NFRKB: variants seen among roughly 807,000 people sequenced by gnomAD.
The protein encoded by NFRKB is nuclear factor related to kappa-B-binding protein.
A neutral mutation model predicts 135.7 loss-of-function variants in NFRKB; 62 were observed. The observed-to-expected ratio is 0.46, with a 90% CI of 0.37 to 0.56. NFRKB has a LOEUF of 0.56. NFRKB is among the 20% of genes least tolerant of loss of function. The probability of loss-of-function intolerance (pLI) is 0.00; values close to 1 mark genes in which losing one functional copy is unlikely to be tolerated. For synonymous variants in NFRKB, 678 were observed against 635.6 expected, an observed-to-expected ratio of 1.07 and a Z score of -1.00; for missense variants, 1,545 against 1,662.0, an observed-to-expected ratio of 0.93 and a Z score of 1.22.
chr11:129,894,034 G>A (rs995784803), intron 2 of NFRKB: 1 of 152,182 alleles, frequency 6.6e-6, no homozygotes, highest in African/African-American at 2.4e-5. Context: ...GTATAATCAT[G>A]TAAATTAATG....
At chr11:129,884,664 C>A in intron 7 of NFRKB, 81 bp downstream of exon 7, 1 of 1,505,698 alleles carries the variant, frequency 6.6e-7, no homozygotes, top group Non-Finnish European at 9.1e-7. Context: ...GGAATCTGCC[C>A]CCACCCACCT....
intron 2 of NFRKB, chr11:129,893,281 A>G: frequency 2.1e-6 from 1 of 472,694 alleles, no homozygotes. Context: ...GGCTGGGTGC[A>G]GTAACTCACA....
intron 2 of NFRKB, chr11:129,893,313 G>A (rs1241917997): frequency 1.1e-5 from 5 of 455,200 alleles, no homozygotes; most frequent in Non-Finnish European, 2.2e-5. Flanking sequence ...AGTACTTTGG[G>A]AGGTCCAGGC....
At chr11:129,868,317 C>T (rs1441338258) in intron 24 of NFRKB, among the ~76,000 whole-genome samples, 1 of 152,196 alleles carries the variant, frequency 6.6e-6, no homozygotes, top group Non-Finnish European at 1.5e-5. Flanking sequence ...CACCAGGGAG[C>T]ACATGCCAAT....
At chr11:129,875,015 C>G in intron 18 of NFRKB, 99 bp from the exon 19 acceptor site, 2 of 1,463,224 alleles carry the variant, frequency 1.4e-6, no homozygotes, top group Non-Finnish European at 1.9e-6. Flanking sequence ...TAAATCACAG[C>G]TGATGCAGAT....
At position 129,876,645 on chromosome 11, in the gene NFRKB, A is replaced by ACAGAGTT. The variant is rs3217314; in HGVS notation, c.1747+69_1747+75dup. 3.2e-4 allele frequency: 362 copies of ACAGAGTT among 1,131,670 alleles called. No homozygotes were observed. The African/African-American group carries it at 4.4e-3, about 14-fold the overall frequency. 70.1% of individuals were successfully genotyped at this position (1,131,670 alleles called of 1,614,324 possible). On this transcript the variant is annotated intron_variant, in intron 17 of 26. Coordinates refer to ENST00000682444, the MANE Select transcript of NFRKB (RefSeq NM_001143835.2). ...CCCTGGGTGGAGGGGTAAGGAGAGG[A>ACAGAGTT]CAGAGTTCAGAGTTGGTAAGAGAAA... is the stretch of plus-strand genomic sequence containing the variant.
At chr11:129,865,745 A>C in intron 25 of NFRKB, 132 bp downstream of exon 25, 1 of 710,516 alleles carries the variant, frequency 1.4e-6, no homozygotes. Context: ...GTTGATGAGC[A>C]CAATAAAGCA....
chr11:129,887,399 AGTGAGCAAAT>A (rs1429861017), intron 4 of NFRKB, among the ~76,000 whole-genome samples: 1 of 152,230 alleles, frequency 6.6e-6, no homozygotes, highest in Non-Finnish European at 1.5e-5. Context: ...CCCTTAACCA[AGTGAGCAAAT>A]GTGGCTTTAC....
At position 129,865,901 on chromosome 11, in the gene NFRKB, A is replaced by T. The variant is rs768143190; in HGVS notation, c.3614T>A (p.Ile1205Asn). The stretch of plus-strand genomic sequence containing the variant: ...CTTGGCTCCAAGGTTGCCTTTGATG[A>T]TGGGGGCTGTGACCACGCTCTTGCC... ...MKGKSVVTAP[I>N]IKGNLGANLS... The change falls in exon 25 of 27, where the codon ATC becomes AAC. Residue 1205 changes from isoleucine to asparagine, a missense_variant. By Grantham distance (149) the Ile-to-Asn change is moderately radical. Transcript: ENST00000682444. 1 of 1,614,008 alleles carries T rather than the reference A, an allele frequency of 6.2e-7. No individual in the cohort carries two copies. The highest frequency in any genetic ancestry group is 8.5e-7 in the Non-Finnish European group (1 of 1,180,008).
chr11:129,892,752 C>T lies in NFRKB; in HGVS notation c.98G>A (p.Gly33Asp). The change falls in exon 3 of 27, where the codon GGC (glycine) becomes GAC (aspartate). Residue 33 changes from glycine to aspartate, a missense_variant. Gly to Asp is a moderately conservative substitution (Grantham distance 94). Around this residue, in one of 3 missense-constraint regions of NFRKB, gnomAD observed 678 missense variants for 646.7 expected, o/e 1.05. Transcript: ENST00000682444. ...TRIMEDCLLGGTRVSLPEDLL... is the reference protein window; with the variant it reads ...TRIMEDCLLGDTRVSLPEDLL... ...GTCCTCGGGCAGACTAACTCTGGTG[C>T]CTCCCAGGAGGCAATCCTCCATGAT... The T allele has an allele frequency of 6.2e-7, 1 of 1,614,162 alleles. No homozygotes were observed. The highest frequency in any genetic ancestry group is 8.5e-7 in the Non-Finnish European group (1 of 1,180,040).
chr11:129,872,840 C>G (rs1248968405), intron 23 of NFRKB, 44 bp downstream of exon 23: 1 of 1,543,340 alleles, frequency 6.5e-7, no homozygotes, highest in Admixed American at 1.8e-5. Flanking sequence ...GGTCCCTGCT[C>G]CAGGATGAAG....
rs777953369 is a variant in NFRKB at position 129,877,365 on chromosome 11, C to T, written c.1532G>A (p.Arg511His). The change falls in exon 16 of 27, where the codon CGT (arginine) becomes CAT (histidine). Residue 511 changes from arginine to histidine, a missense_variant. Physicochemically the swap from Arg to His is conservative, Grantham distance 29. This residue lies in a region of NFRKB where 678 missense variants were observed against 646.7 expected (regional missense o/e 1.05). Coordinates refer to ENST00000682444, the MANE Select transcript of NFRKB (RefSeq NM_001143835.2). ...VPRVRTDYVVRPSTGEEKRVF... is the reference protein window; with the variant it reads ...VPRVRTDYVVHPSTGEEKRVF... ...CCGTTTCTCCTCCCCCGTGCTGGGACGCACCACATAGTCAGTTCTTCTGGA... is the reference window on the plus strand; with the variant it reads ...CCGTTTCTCCTCCCCCGTGCTGGGATGCACCACATAGTCAGTTCTTCTGGA... 1.2e-5 allele frequency: 20 copies of T among 1,614,024 alleles called. No individual in the cohort carries two copies. The highest frequency in any genetic ancestry group is 3.3e-4 in the Middle Eastern group (2 of 6,084).
At position 129,887,591 on chromosome 11, in the gene NFRKB, G is replaced by A. The variant is rs552102076; in HGVS notation, c.337+1003C>T. 5.9e-5 allele frequency among the ~76,000 whole-genome samples: 9 copies of A among 152,222 alleles called. No individual in the cohort carries two copies. The South Asian group carries it at 8.3e-4, about 14-fold the overall frequency. ...TATAATTCAAGTGTCCTGGCTCTTC[G>A]TGTACTGAAAGACAAAAACAAAAGG... On this transcript the variant is annotated intron_variant, in intron 4 of 26. Transcript: ENST00000682444.
intron 22 of NFRKB, among the ~76,000 whole-genome samples, 174 bp from the exon 23 acceptor site, chr11:129,873,270 AT>A (rs1196494101): frequency 6.6e-5 from 10 of 152,214 alleles, no homozygotes; most frequent in Admixed American, 3.9e-4. Flanking sequence ...TCATTTGTGT[AT>A]ATCTTAATTT....
chr11:129,866,453 C>CCAAT (rs1400867240), intron 24 of NFRKB, among the ~76,000 whole-genome samples: 1 of 151,746 alleles, frequency 6.6e-6, no homozygotes, highest in African/African-American at 2.4e-5. Flanking sequence ...CACAACTACT[C>CCAAT]ATTGGAGTGC....
rs772887103 is a variant in NFRKB, at chr11:129,869,516, G to C, written c.3509C>G (p.Thr1170Arg). The C allele has an allele frequency of 5.0e-6, 8 of 1,611,560 alleles. No homozygotes were observed. Among genetic ancestry groups the C allele is most frequent in the Non-Finnish European group, 6.8e-6 (8 of 1,179,866 alleles). Residue 1170 changes from threonine to arginine, a missense_variant, in exon 24 of 27, where the codon ACG (threonine) becomes AGG (arginine). This residue lies in a region of NFRKB where 753 missense variants were observed against 804.3 expected (regional missense o/e 0.94). Transcript: ENST00000682444. ...CACAGCCTGGGACGTGGACACAACCGTGGTGCTGACAGGGACCTGCCGCAC... is the reference window on the plus strand; with the variant it reads ...CACAGCCTGGGACGTGGACACAACCCTGGTGCTGACAGGGACCTGCCGCAC... The part of the protein sequence containing the change: ...PTVRQVPVST[T>R]VVSTSQAGKL...
rs1208297526 is a variant in NFRKB, at chr11:129,882,141, A to C, written c.1136T>G (p.Phe379Cys). ...CLGINEISSS[F>C]FSLLLEILLL... Reference sequence around the variant, plus strand: ...CAAGATCTCTAATAGAAGAGAGAAGAAGCTGGAAGATATTTCATTGATTCC... The same window carrying C: ...CAAGATCTCTAATAGAAGAGAGAAGCAGCTGGAAGATATTTCATTGATTCC... Residue 379 changes from phenylalanine (F) to cysteine (C), a missense_variant, in exon 11 of 27, where the codon TTC becomes TGC. Physicochemically the swap from Phe to Cys is radical, Grantham distance 205. Around this residue, in one of 3 missense-constraint regions of NFRKB, gnomAD observed 678 missense variants for 646.7 expected, o/e 1.05. Transcript: ENST00000682444. 2 of 1,613,714 alleles carry C rather than the reference A, an allele frequency of 1.2e-6. No homozygotes were observed. The highest frequency in any genetic ancestry group is 8.5e-7 in the Non-Finnish European group (1 of 1,179,876).
intron 8 of NFRKB, 119 bp downstream of exon 8, chr11:129,883,951 G>GC (rs1385502513): frequency 1.9e-6 from 2 of 1,072,760 alleles, no homozygotes; most frequent in Non-Finnish European, 2.9e-6. Context: ...CTGCTCCTGT[G>GC]CCCACAGTGG....
At chr11:129,873,352 T>C (rs757390087) in intron 22 of NFRKB, among the ~76,000 whole-genome samples, 8 of 152,244 alleles carry the variant, frequency 5.3e-5, no homozygotes, top group Non-Finnish European at 1.2e-4. Flanking sequence ...ACCCCTTTTA[T>C]AGCAAAGGAA....
Sources: allele counts gnomAD v4.1 joint callset (sites outside exome capture counted in the v4.1 genomes callset), GRCh38; gene constraint gnomAD v4.1.1; regional missense constraint gnomAD v4.1.1; transcripts MANE v1.5; gene names NCBI Gene and HGNC (gene_info 2026-07-23, HGNC 2026-07-21).